Variants in AASS observed in about 807,000 individuals in gnomAD.
AASS encodes aminoadipate-semialdehyde synthase, also known as alpha-aminoadipic semialdehyde synthase, mitochondrial.
A neutral mutation model predicts 105.4 loss-of-function variants in AASS; 86 were observed. That is an observed-to-expected ratio of 0.82 (90% CI 0.69 to 0.98). The LOEUF is 0.98. Among genes scored for constraint, AASS ranks in the 50% least tolerant of loss-of-function variants. AASS has a pLI of 0.00. For synonymous variants in AASS, 381 were observed against 394.8 expected (o/e 0.96, Z 0.41); for missense variants, 1,048 against 1,143.2 (o/e 0.92, Z 1.20).
intron 19 of AASS, 131 bp downstream of exon 19, chr7:122,085,881 T>C (rs1179324976): frequency 1.0e-6 from 1 of 995,698 alleles, no homozygotes; most frequent in Middle Eastern, 2.7e-4. Flanking sequence ...CAATCAATCA[T>C]AAGATTCCTG....
chr7:122,093,980 C>T (rs1415663803), intron 15 of AASS, among the ~76,000 whole-genome samples: 1 of 152,094 alleles, frequency 6.6e-6, no homozygotes, highest in Non-Finnish European at 1.5e-5. Context: ...TGCGACCTAA[C>T]ACAGAAACAG....
intron 2 of AASS, among the ~76,000 whole-genome samples, chr7:122,129,759 A>G (rs770429434): frequency 1.4e-5 from 2 of 140,346 alleles, no homozygotes; most frequent in Non-Finnish European, 3.3e-5. Flanking sequence ...AAAACACAGC[A>G]TATATATATA....
chr7:122,101,560 A>G, intron 12 of AASS, 61 bp downstream of exon 12: 1 of 1,514,880 alleles, frequency 6.6e-7, no homozygotes, highest in Non-Finnish European at 9.2e-7. Context: ...AACAGAGAGA[A>G]GAGAGCAAAA....
chr7:122,118,213 C>A, intron 6 of AASS, 94 bp downstream of exon 6: 1 of 1,399,128 alleles, frequency 7.1e-7, no homozygotes, highest in Non-Finnish European at 1.0e-6. Flanking sequence ...AATCTCCAGT[C>A]CATTTGAAAT....
In AASS at chr7:122,101,611, C is replaced by G. The variant is rs764485378; in HGVS notation, c.1338+10G>C. 1.2e-6 allele frequency: 2 copies of G among 1,606,742 alleles called. No homozygotes were observed. Among genetic ancestry groups the G allele is most frequent in the East Asian group, 2.2e-5 (1 of 44,720 alleles). ...TACATTTATGAAAAAATATTCTGCT[C>G]ATAACTTACATCTCTCACCACAGGA... On this transcript the variant is annotated intron_variant, in intron 12 of 23. Transcript: ENST00000417368.
At chr7:122,076,678 TC>T in intron 23 of AASS, 71 bp from the exon 24 acceptor site, 1 of 1,190,828 alleles carries the variant, frequency 8.4e-7, no homozygotes, top group Non-Finnish European at 1.3e-6. Flanking sequence ...ATCAAGAGTC[TC>T]CACAAAGAAG....
intron 2 of AASS, 92 bp downstream of exon 2, chr7:122,133,425 C>A: frequency 7.5e-7 from 1 of 1,331,564 alleles, no homozygotes; most frequent in Admixed American, 1.9e-5. Context: ...ATCAAAGTGA[C>A]ACTAGCAAAC....
rs542690992 is a variant in AASS at position 122,134,938 on chromosome 7, G to A, written c.-15-1197C>T. The stretch of plus-strand genomic sequence containing the variant: ...GCACATATACACCATGGAATACTAT[G>A]CAGCCATAAAAAAGGATGAGTTCAT... On this transcript the variant is annotated intron_variant, in intron 1 of 23. Coordinates refer to ENST00000417368, the MANE Select transcript of AASS (RefSeq NM_005763.4). 3.0e-3 allele frequency among the ~76,000 whole-genome samples: 460 copies of A among 152,242 alleles called. 1 individual carries two copies. Among genetic ancestry groups the A allele is most frequent in the Non-Finnish European group, 4.7e-3 (319 of 68,012 alleles).
At chr7:122,103,346 A>G (rs1794519729) in intron 11 of AASS, among the ~76,000 whole-genome samples, 1 of 152,092 alleles carries the variant, frequency 6.6e-6, no homozygotes, top group South Asian at 2.1e-4. Flanking sequence ...CCAGCCAAAA[A>G]TACTATACAC....
At position 122,075,329 on chromosome 7, in the gene AASS, T is replaced by C. The variant is rs1792951149; in HGVS notation, c.*1160A>G. Among the ~76,000 whole-genome samples the C allele has an allele frequency of 6.6e-6, 1 of 152,246 alleles. No homozygotes were observed. The highest frequency in any genetic ancestry group is 1.5e-5 in the Non-Finnish European group (1 of 68,050). On this transcript the variant is annotated 3_prime_UTR_variant, in exon 24 of 24. Coordinates refer to ENST00000417368, the MANE Select transcript of AASS (RefSeq NM_005763.4). ...TCATGCCTTTGGATTTTCTATAGTT[T>C]TCCCTTGGATTACTATGCACAAAAC...
chr7:122,113,617 G>C lies in AASS; in HGVS notation c.1147C>G (p.Gln383Glu). 1 of 1,613,526 alleles carries C rather than the reference G, an allele frequency of 6.2e-7. No individual in the cohort carries two copies. Among genetic ancestry groups the C allele is most frequent in the Non-Finnish European group, 8.5e-7 (1 of 1,179,872 alleles). Residue 383 changes from glutamine to glutamate, a missense_variant, in exon 10 of 24, where the codon CAG becomes GAG. By Grantham distance (29) the Gln-to-Glu change is conservative. Transcript: ENST00000417368. ...ACTCACCTGTCATGAATAATATGCT[G>C]GTCTGCATCATACATGCAAAAGGGA... is the stretch of plus-strand genomic sequence containing the variant. ...EHPFCMYDAD[Q>E]HIIHDSVEGS... is the part of the protein sequence containing the mutation.
At position 122,076,603 on chromosome 7, in the gene AASS, T is replaced by C; in HGVS notation, c.2667A>G (p.Glu889=). The change falls in exon 24 of 24, where the codon GAA becomes GAG. Residue 889 remains glutamate (E), a synonymous_variant. Coordinates refer to ENST00000417368, the MANE Select transcript of AASS (RefSeq NM_005763.4). The part of the protein sequence containing the change: ...AMAAKMLLDG[E]IGAKGLMGPF... Reference sequence around the variant, plus strand: ...GCCCCATTAGGCCTTTGGCTCCAATTTCACCTGGAAGAAAATAAATGTGTA... The same window carrying C: ...GCCCCATTAGGCCTTTGGCTCCAATCTCACCTGGAAGAAAATAAATGTGTA... 6.2e-7 allele frequency: 1 copy of C among 1,601,198 alleles called. No individual in the cohort carries two copies. Among genetic ancestry groups the C allele is most frequent in the Non-Finnish European group, 8.6e-7 (1 of 1,168,292 alleles).
At chr7:122,125,878 A>G (rs753335118) in intron 4 of AASS, among the ~76,000 whole-genome samples, 2 of 152,216 alleles carry the variant, frequency 1.3e-5, no homozygotes, top group Non-Finnish European at 2.9e-5. Context: ...TTCTATTTTT[A>G]TATAACAAGG....
chr7:122,107,485 C>T (rs1794718992), intron 11 of AASS, among the ~76,000 whole-genome samples: 1 of 152,070 alleles, frequency 6.6e-6, no homozygotes, highest in African/African-American at 2.4e-5. Context: ...TTGTAAATAG[C>T]AGAGACATGG....
chr7:122,137,215 A>T (rs1049792928), intron 1 of AASS, among the ~76,000 whole-genome samples: 26 of 152,206 alleles, frequency 1.7e-4, no homozygotes, highest in African/African-American at 6.3e-4. Context: ...CTTATTAAGT[A>T]GATACATATC....
intron 11 of AASS, among the ~76,000 whole-genome samples, chr7:122,107,849 A>C (rs1264284151): frequency 6.6e-6 from 1 of 151,482 alleles, no homozygotes; most frequent in East Asian, 2.0e-4. Context: ...ACACAAGTTT[A>C]CCTATAGAAC....
intron 23 of AASS, among the ~76,000 whole-genome samples, 178 bp downstream of exon 23, chr7:122,077,660 C>G (rs1457969289): frequency 6.6e-6 from 1 of 152,204 alleles, no homozygotes; most frequent in Non-Finnish European, 1.5e-5. Context: ...TCTCCAAAGC[C>G]CACATGCTTT....
chr7:122,090,720 A>T (rs979322128), intron 18 of AASS, among the ~76,000 whole-genome samples: 2 of 152,252 alleles, frequency 1.3e-5, no homozygotes, highest in East Asian at 3.9e-4. Context: ...CCAAACTATG[A>T]GCATAAACTA....
chr7:122,106,054 G>A (rs1216009001), intron 11 of AASS, among the ~76,000 whole-genome samples: 1 of 152,048 alleles, frequency 6.6e-6, no homozygotes, highest in Non-Finnish European at 1.5e-5. Flanking sequence ...AGTGATTTTT[G>A]TATGTTGATT....
Sources: allele counts gnomAD v4.1 joint callset (sites outside exome capture counted in the v4.1 genomes callset), GRCh38; gene constraint gnomAD v4.1.1; transcripts MANE v1.5; gene names NCBI Gene and HGNC (gene_info 2026-07-23, HGNC 2026-07-21).